Variants in VMP1 observed in about 807,000 individuals in gnomAD.
The protein encoded by VMP1 is vacuole membrane protein 1.
A neutral mutation model predicts 56.0 loss-of-function variants in VMP1; 11 were observed. The observed-to-expected ratio is 0.20, with a 90% CI of 0.12 to 0.32. VMP1 has a LOEUF of 0.32. Ranked by LOEUF, VMP1 falls within the 10% of genes least tolerant of loss-of-function variation. VMP1 has a pLI of 1.00. For missense variants in VMP1, 296 were observed against 490.3 expected (o/e 0.60, Z 3.74); for synonymous variants, 149 against 165.0 (o/e 0.90, Z 0.74).
chr17:59,718,381 A>G (rs1316628093), intron 1 of VMP1, among the ~76,000 whole-genome samples: 1 of 150,908 alleles, frequency 6.6e-6, no homozygotes, highest in Non-Finnish European at 1.5e-5. Flanking sequence ...TACTTTTAGT[A>G]GAGATGGGGT....
chr17:59,726,291 G>GT (rs541555827), intron 1 of VMP1, among the ~76,000 whole-genome samples: 57,735 of 144,956 alleles, frequency 0.4, 12,687 homozygotes, highest in Non-Finnish European at 0.51. Context: ...AGTTTTTTTT[G>GT]TTTTTTTTTT....
At chr17:59,803,034 C>G (rs1423592794) in intron 7 of VMP1, among the ~76,000 whole-genome samples, 1 of 152,140 alleles carries the variant, frequency 6.6e-6, no homozygotes. Flanking sequence ...CATGAGCCAC[C>G]GCATATGGCC....
chr17:59,764,283 C>T (rs2036156894), intron 5 of VMP1, among the ~76,000 whole-genome samples: 1 of 152,080 alleles, frequency 6.6e-6, no homozygotes, highest in African/African-American at 2.4e-5. Flanking sequence ...TCAGTGGTTG[C>T]CGGGGACTAG....
intron 10 of VMP1, chr17:59,833,949 A>C (rs892967694): frequency 1.3e-5 from 2 of 152,014 alleles, no homozygotes; most frequent in African/African-American, 4.8e-5. Flanking sequence ...GACAATTTAC[A>C]GTACTGTTTT....
At chr17:59,805,661 CAAA>C (rs760953371) in intron 7 of VMP1, among the ~76,000 whole-genome samples, 2 of 101,440 alleles carry the variant, frequency 2.0e-5, no homozygotes. Flanking sequence ...AAAATAAAAG[CAAA>C]AAAAAAAAAA....
chr17:59,822,002 C>G (rs1222176556), intron 10 of VMP1, among the ~76,000 whole-genome samples: 6 of 152,226 alleles, frequency 3.9e-5, no homozygotes, highest in South Asian at 2.1e-4. Context: ...ACCACCATGC[C>G]TGGCTAATTT....
chr17:59,757,933 A>G (rs1306471985), intron 5 of VMP1, among the ~76,000 whole-genome samples: 1 of 143,386 alleles, frequency 7.0e-6, no homozygotes, highest in African/African-American at 2.7e-5. Context: ...GCTCACAGCA[A>G]CCTTGAACTC....
chr17:59,798,435 C>CT (rs1238815824), intron 7 of VMP1, among the ~76,000 whole-genome samples: 3 of 152,176 alleles, frequency 2.0e-5, no homozygotes, highest in Non-Finnish European at 4.4e-5. Flanking sequence ...AGATCAATGA[C>CT]TTTTTTACTT....
chr17:59,756,086 A>G (rs142405454), intron 5 of VMP1, among the ~76,000 whole-genome samples: 12 of 152,282 alleles, frequency 7.9e-5, no homozygotes, highest in Middle Eastern at 6.8e-3. Context: ...CCTTCTTCAC[A>G]AAAAGAATAT....
chr17:59,826,595 G>A (rs147664079), intron 10 of VMP1, among the ~76,000 whole-genome samples: 2,157 of 152,214 alleles, frequency 0.014, 25 homozygotes, highest in Middle Eastern at 0.037. Flanking sequence ...ATGTGGGAAG[G>A]AAATTAACAT....
chr17:59,757,384 C>T (rs1199227288), intron 5 of VMP1, among the ~76,000 whole-genome samples: 1 of 151,868 alleles, frequency 6.6e-6, no homozygotes, highest in Admixed American at 6.6e-5. Flanking sequence ...TATTGTTATT[C>T]TTAAAGCTAG....
chr17:59,714,685 A>G (rs1263548308), intron 1 of VMP1, among the ~76,000 whole-genome samples: 1 of 151,918 alleles, frequency 6.6e-6, no homozygotes, highest in Non-Finnish European at 1.5e-5. Flanking sequence ...GAGGGCTTTG[A>G]GCCAGGATCT....
intron 7 of VMP1, among the ~76,000 whole-genome samples, chr17:59,805,699 G>A (rs2037821756): frequency 6.6e-6 from 1 of 151,264 alleles, no homozygotes; most frequent in Admixed American, 6.6e-5. Context: ...AAGAAAGCAG[G>A]ACACCAGACC....
At chr17:59,783,692 A>G (rs1005137503) in intron 7 of VMP1, among the ~76,000 whole-genome samples, 3 of 152,150 alleles carry the variant, frequency 2.0e-5, no homozygotes, top group African/African-American at 7.2e-5. Flanking sequence ...TCCCATCCCC[A>G]GTAATTAATT....
At chr17:59,814,539 T>G (rs1296953917) in intron 9 of VMP1, among the ~76,000 whole-genome samples, 1 of 152,228 alleles carries the variant, frequency 6.6e-6, no homozygotes, top group Non-Finnish European at 1.5e-5. Flanking sequence ...GAAACTGAAT[T>G]GTTTAATGCC....
chr17:59,784,280 C>T (rs144664705), intron 7 of VMP1, among the ~76,000 whole-genome samples: 2,978 of 152,202 alleles, frequency 0.02, 57 homozygotes, highest in South Asian at 0.034. Flanking sequence ...CACCACTATG[C>T]GGTATTGTTC....
chr17:59,757,857 C>CG (rs768328670), intron 5 of VMP1, among the ~76,000 whole-genome samples: 1 of 76,166 alleles, frequency 1.3e-5, no homozygotes. Flanking sequence ...CTTTATTTGC[C>CG]ACTTTTTTTT....
At chr17:59,818,859 T>A (rs2333617) in intron 10 of VMP1, among the ~76,000 whole-genome samples, 91,512 of 152,004 alleles carry the variant, frequency 0.6, 28,841 homozygotes, top group Non-Finnish European at 0.7. Context: ...ACGGGGGAAA[T>A]GTGTCAAGTT....
intron 8 of VMP1, among the ~76,000 whole-genome samples, chr17:59,809,261 T>G (rs1057418912): frequency 1.4e-5 from 2 of 148,102 alleles, no homozygotes; most frequent in Non-Finnish European, 3.0e-5. Context: ...CCTCCCAAAG[T>G]GCTGGGATTA....
Sources: gnomAD v4.1 joint callset for allele counts (sites outside exome capture counted in the v4.1 genomes callset) on GRCh38, gnomAD v4.1.1 for gene constraint, MANE v1.5 for transcripts, NCBI Gene and HGNC (gene_info 2026-07-23, HGNC 2026-07-21) for gene names.